Variants in ZDHHC13 observed in about 807,000 individuals in gnomAD.
ZDHHC13 encodes palmitoyltransferase ZDHHC13.
In ZDHHC13, 85 loss-of-function variants were observed where a neutral mutation model predicts 86.0. The observed-to-expected ratio is 0.99, with a 90% CI of 0.83 to 1.18. ZDHHC13 has a LOEUF of 1.18. Ranked by LOEUF, ZDHHC13 falls within the 50% of genes most tolerant of loss-of-function variation. The pLI is 0.00. For missense variants in ZDHHC13, 711 were observed against 730.2 expected (o/e 0.97, Z 0.30); for synonymous variants, 263 against 246.4 (o/e 1.07, Z -0.63).
intron 10 of ZDHHC13, among the ~76,000 whole-genome samples, chr11:19,160,741 T>C (rs3802797): frequency 0.67 from 101,456 of 151,740 alleles, 34,660 homozygotes; most frequent in Admixed American, 0.76. Context: ...ACTAAGAGAA[T>C]AACACACCCC....
chr11:19,117,367 T>C lies in ZDHHC13; in HGVS notation c.27+91T>C. 2 of 1,298,838 alleles carry C rather than the reference T, an allele frequency of 1.5e-6. No individual in the cohort carries two copies. The highest frequency in any genetic ancestry group is 3.0e-5 in the East Asian group (1 of 32,976). The allele number at this position is 1,298,838 out of a possible 1,614,324, so 80.5% of individuals were successfully genotyped here. On this transcript the variant is annotated intron_variant, in intron 1 of 16. Coordinates refer to ENST00000446113, the MANE Select transcript of ZDHHC13 (RefSeq NM_019028.3). The surrounding 1 kb of genome is among the most constrained non-coding windows in gnomAD (Gnocchi z 4.2). ...ATGGTGTGGGTGAGAGGCCGCTCGA[T>C]GAGGGGGTTTCGGGAGCGGCGGGGC...
chr11:19,164,467 GT>G, intron 12 of ZDHHC13, 104 bp downstream of exon 12: 1 of 1,089,758 alleles, frequency 9.2e-7, no homozygotes. Context: ...ATACACCTTT[GT>G]TTTTACCCAT....
intron 13 of ZDHHC13, 59 bp from the exon 14 acceptor site, chr11:19,166,237 AGGTCTT>A: frequency 2.3e-6 from 3 of 1,283,162 alleles, no homozygotes; most frequent in Non-Finnish European, 3.3e-6. Context: ...GTGGTTAAGG[AGGTCTT>A]ATGTTGAAAA....
chr11:19,143,979 A>T (rs114885054), intron 2 of ZDHHC13, among the ~76,000 whole-genome samples: 7 of 152,182 alleles, frequency 4.6e-5, no homozygotes, highest in African/African-American at 1.7e-4. Context: ...TTACCATACT[A>T]ACTTGATATA....
At chr11:19,149,937 G>C (rs1377913726) in intron 5 of ZDHHC13, among the ~76,000 whole-genome samples, 1 of 152,222 alleles carries the variant, frequency 6.6e-6, no homozygotes, top group Non-Finnish European at 1.5e-5. Context: ...TGGAATGATT[G>C]TGCTCCCTTT....
chr11:19,129,052 A>G (rs1364433926), intron 1 of ZDHHC13, among the ~76,000 whole-genome samples: 1 of 152,218 alleles, frequency 6.6e-6, no homozygotes, highest in African/African-American at 2.4e-5. Context: ...AAGCATGGCT[A>G]TATTTGATGT....
chr11:19,134,006 G>A (rs183020679), intron 1 of ZDHHC13, among the ~76,000 whole-genome samples: 84 of 145,756 alleles, frequency 5.8e-4, no homozygotes, highest in African/African-American at 1.9e-3. Context: ...GATATTCAGA[G>A]GTTAAAAATA....
chr11:19,123,777 TAACAACAAC>T (rs142955690), intron 1 of ZDHHC13, among the ~76,000 whole-genome samples: 4 of 151,942 alleles, frequency 2.6e-5, no homozygotes, highest in African/African-American at 7.3e-5. Flanking sequence ...CCAGTATACC[TAACAACAAC>T]AACAACAACA....
intron 2 of ZDHHC13, among the ~76,000 whole-genome samples, chr11:19,144,796 A>G (rs185082707): frequency 1.4e-4 from 21 of 152,298 alleles, no homozygotes; most frequent in African/African-American, 4.8e-4. Context: ...AGAAAGTGCT[A>G]AAGGGTCAGT....
chr11:19,129,197 G>A (rs1004852931), intron 1 of ZDHHC13, among the ~76,000 whole-genome samples: 3 of 152,026 alleles, frequency 2.0e-5, no homozygotes, highest in African/African-American at 7.2e-5. Context: ...TCATGTTTTT[G>A]CAAGTAAAAA....
chr11:19,149,499 T>C (rs781683835), intron 5 of ZDHHC13, among the ~76,000 whole-genome samples, 168 bp downstream of exon 5: 3 of 152,214 alleles, frequency 2.0e-5, no homozygotes, highest in African/African-American at 2.4e-5. Flanking sequence ...TTCAGCTTCA[T>C]TGGAGGGAAA....
chr11:19,164,194 T>C, intron 11 of ZDHHC13, 107 bp from the exon 12 acceptor site: 4 of 1,156,934 alleles, frequency 3.5e-6, no homozygotes, highest in Non-Finnish European at 4.8e-6. Context: ...CCAAATTGCT[T>C]TTCTAACTAC....
chr11:19,170,920 C>T (rs1218515437), intron 15 of ZDHHC13, among the ~76,000 whole-genome samples: 1 of 152,190 alleles, frequency 6.6e-6, no homozygotes. Context: ...AAAATCAGAA[C>T]TGGAAACTTA....
intron 1 of ZDHHC13, among the ~76,000 whole-genome samples, chr11:19,136,097 A>G (rs1479139274): frequency 2.0e-5 from 3 of 151,540 alleles, no homozygotes; most frequent in Non-Finnish European, 2.9e-5. Context: ...AGCTGAGAGA[A>G]GAAGGCTTCA....
intron 1 of ZDHHC13, among the ~76,000 whole-genome samples, chr11:19,134,331 A>G (rs1849074930): frequency 6.6e-6 from 1 of 152,156 alleles, no homozygotes; most frequent in Admixed American, 6.5e-5. Flanking sequence ...CTCTGTCTCT[A>G]CAAAACTAAA....
At chr11:19,170,930 A>G (rs1000688865) in intron 15 of ZDHHC13, among the ~76,000 whole-genome samples, 1 of 152,228 alleles carries the variant, frequency 6.6e-6, no homozygotes, top group African/African-American at 2.4e-5. Context: ...CTGGAAACTT[A>G]GGTCTTCTGC....
At chr11:19,160,798 T>G (rs1036438385) in intron 10 of ZDHHC13, among the ~76,000 whole-genome samples, 1 of 151,882 alleles carries the variant, frequency 6.6e-6, no homozygotes. Context: ...AATAAACCTA[T>G]TTCTTGGATG....
At chr11:19,150,366 A>G (rs1849575541) in intron 5 of ZDHHC13, among the ~76,000 whole-genome samples, 1 of 152,174 alleles carries the variant, frequency 6.6e-6, no homozygotes, top group African/African-American at 2.4e-5. Flanking sequence ...GACTTTGTAT[A>G]AGAAATGATA....
intron 1 of ZDHHC13, among the ~76,000 whole-genome samples, chr11:19,133,942 T>TATATATATATATATATATATACAC: frequency 0.041 from 3,889 of 94,930 alleles, 378 homozygotes; most frequent in Non-Finnish European, 0.065. Flanking sequence ...TATATATATA[T>TATATATATATATATATATATACAC]ACACGTATGT....
Sources: allele counts gnomAD v4.1 joint callset (sites outside exome capture counted in the v4.1 genomes callset), GRCh38; gene constraint gnomAD v4.1.1; non-coding constraint Gnocchi (gnomAD v3.1); transcripts MANE v1.5; gene names NCBI Gene and HGNC (gene_info 2026-07-23, HGNC 2026-07-21).